Variants in GALNT13 observed in about 807,000 individuals in gnomAD.
GALNT13 encodes polypeptide N-acetylgalactosaminyltransferase 13, also known as UDP-GalNAc:polypeptide N-acetylgalactosaminyltransferase 13.
A neutral mutation model predicts 64.2 loss-of-function variants in GALNT13; 28 were observed. The ratio of observed to expected loss-of-function variants is 0.44; its 90% CI spans 0.32 to 0.60. The LOEUF is 0.60. Among genes scored for constraint, GALNT13 ranks in the 20% least tolerant of loss-of-function variants. The pLI is 0.05. For synonymous variants in GALNT13, 214 were observed against 224.6 expected (o/e 0.95, Z 0.42); for missense variants, 577 against 669.8 (o/e 0.86, Z 1.53).
the GALNT13 span, among the ~76,000 whole-genome samples, chr2:153,109,212 C>G: frequency 6.6e-6 from 1 of 152,094 alleles, no homozygotes; most frequent in Non-Finnish European, 1.5e-5. Flanking sequence ...AAAACTGAAA[C>G]TCGAAAAGCA....
intron 9 of GALNT13, among the ~76,000 whole-genome samples, chr2:154,392,314 G>A (rs1299858503): frequency 6.6e-6 from 1 of 152,122 alleles, no homozygotes; most frequent in Non-Finnish European, 1.5e-5. Flanking sequence ...TAGCAGGGAA[G>A]AAATGTAACC....
At chr2:154,413,277 C>T (rs181241001) in intron 11 of GALNT13, among the ~76,000 whole-genome samples, 192 of 151,972 alleles carry the variant, frequency 1.3e-3, no homozygotes, top group Non-Finnish European at 2.1e-3. Flanking sequence ...AACATAGAAA[C>T]ATACTTCTGA....
intron 8 of GALNT13, among the ~76,000 whole-genome samples, chr2:154,271,604 A>G (rs896101021): frequency 3.3e-5 from 5 of 152,026 alleles, no homozygotes; most frequent in Admixed American, 2.0e-4. Flanking sequence ...CTTCTCTTTC[A>G]TGACCTCACA....
At chr2:153,723,065 G>C in the GALNT13 span, among the ~76,000 whole-genome samples, 1 of 151,066 alleles carries the variant, frequency 6.6e-6, no homozygotes, top group African/African-American at 2.4e-5. Flanking sequence ...TAAAATACTG[G>C]CAAACCGAAT....
rs74584305 is a variant in GALNT13, at chr2:154,450,440, C to T, written c.1560C>T (p.Asn520=). 2.5e-6 allele frequency: 4 copies of T among 1,612,436 alleles called. No individual in the cohort carries two copies. In the African/African-American group the frequency reaches 4.0e-5, roughly 16 times the overall value. The part of the protein sequence containing the change: ...ERLTLRHVNS[N]QCLDEPSEED... ...TCACGTTGCGACATGTTAACAGTAA[C>T]CAATGTCTCGATGAACCTTCTGAAG... The change falls in exon 13 of 13, where the codon AAC becomes AAT. Residue 520 remains asparagine, a synonymous_variant. Coordinates refer to ENST00000392825, the MANE Select transcript of GALNT13 (RefSeq NM_052917.4).
chr2:154,422,780 G>A (rs1243070365), intron 11 of GALNT13, among the ~76,000 whole-genome samples: 1 of 152,054 alleles, frequency 6.6e-6, no homozygotes, highest in Non-Finnish European at 1.5e-5. Flanking sequence ...CCAATTCATG[G>A]TTTACACATT....
chr2:153,478,070 T>C, the GALNT13 span: 4 of 627,590 alleles, frequency 6.4e-6, no homozygotes, highest in East Asian at 1.1e-4. Flanking sequence ...ATGAGGACTT[T>C]CAGAGGGCGA....
At chr2:154,040,694 G>A (rs1272733227) in intron 3 of GALNT13, among the ~76,000 whole-genome samples, 1 of 140,150 alleles carries the variant, frequency 7.1e-6, no homozygotes, top group African/African-American at 2.4e-5. Context: ...GCTTATTTGG[G>A]AAGCAGATTT....
chr2:154,448,005 CT>C (rs1015776528), intron 12 of GALNT13, among the ~76,000 whole-genome samples: 2 of 151,992 alleles, frequency 1.3e-5, no homozygotes, highest in Admixed American at 1.3e-4. Context: ...CTTAGCAGTT[CT>C]TACAGCCTTC....
At chr2:153,107,269 A>C in the GALNT13 span, among the ~76,000 whole-genome samples, 246 of 152,288 alleles carry the variant, frequency 1.6e-3, 1 homozygote, top group African/African-American at 5.6e-3. Flanking sequence ...CAGTTGAACA[A>C]TCAGATGTAG....
the GALNT13 span, among the ~76,000 whole-genome samples, chr2:153,366,656 A>G: frequency 6.6e-6 from 1 of 151,388 alleles, no homozygotes; most frequent in African/African-American, 2.4e-5. Context: ...AATTAATGAC[A>G]AGTACCAAAC....
intron 3 of GALNT13, among the ~76,000 whole-genome samples, chr2:154,008,221 GC>G (rs1696391061): frequency 6.6e-6 from 1 of 152,044 alleles, no homozygotes; most frequent in Admixed American, 6.5e-5. Flanking sequence ...TCCAGCTTTT[GC>G]CCATTCAATA....
chr2:153,264,887 G>A, the GALNT13 span, among the ~76,000 whole-genome samples: 1 of 152,160 alleles, frequency 6.6e-6, no homozygotes, highest in Non-Finnish European at 1.5e-5. Context: ...AACCACCATG[G>A]CACATGTTTA....
rs147408211 is a variant in GALNT13, at chr2:153,913,340, G to A, written c.-105+12333G>A. On this transcript the variant is annotated intron_variant, in intron 2 of 12. Transcript: ENST00000392825. Reference sequence around the variant, plus strand: ...CAACAGCAGTGGTATAGCAGGGTGCGTGCACACACATATGGTGGCAGGGAA... The same window carrying A: ...CAACAGCAGTGGTATAGCAGGGTGCATGCACACACATATGGTGGCAGGGAA... 4.1e-3 allele frequency among the ~76,000 whole-genome samples: 621 copies of A among 152,238 alleles called. 3 individuals carry two copies. Among genetic ancestry groups the A allele is most frequent in the African/African-American group, 0.014 (591 of 41,556 alleles).
intron 7 of GALNT13, among the ~76,000 whole-genome samples, chr2:154,251,982 T>TA (rs890392903): frequency 2.4e-4 from 37 of 152,046 alleles, no homozygotes; most frequent in Admixed American, 8.5e-4. Context: ...TTTGTAAATG[T>TA]AAAAAAAACC....
the GALNT13 span, among the ~76,000 whole-genome samples, chr2:153,561,924 C>G: frequency 6.6e-6 from 1 of 152,120 alleles, no homozygotes; most frequent in Middle Eastern, 3.4e-3. Context: ...ATCAAACATA[C>G]AGAATAATAA....
chr2:153,949,587 A>G (rs942669641), intron 3 of GALNT13, among the ~76,000 whole-genome samples: 2 of 148,352 alleles, frequency 1.3e-5, no homozygotes, highest in Admixed American at 1.3e-4. Context: ...GGAAATAACT[A>G]GTAAAAAGCA....
At chr2:154,349,721 G>T (rs1696283031) in intron 9 of GALNT13, among the ~76,000 whole-genome samples, 1 of 152,216 alleles carries the variant, frequency 6.6e-6, no homozygotes, top group African/African-American at 2.4e-5. Flanking sequence ...AGAATCAGAT[G>T]CTGGGATGAT....
the GALNT13 span, among the ~76,000 whole-genome samples, chr2:153,854,161 C>G: frequency 6.6e-6 from 1 of 152,008 alleles, no homozygotes; most frequent in Admixed American, 6.6e-5. Context: ...TAACCACATA[C>G]AAACTATTAG....
Sources: gnomAD v4.1 joint callset for allele counts (sites outside exome capture counted in the v4.1 genomes callset) on GRCh38, gnomAD v4.1.1 for gene constraint, MANE v1.5 for transcripts, NCBI Gene and HGNC (gene_info 2026-07-23, HGNC 2026-07-21) for gene names.